Variants in HAGH observed in about 807,000 individuals in gnomAD.
HAGH encodes hydroxyacylglutathione hydrolase, mitochondrial.
HAGH carries 29 observed loss-of-function variants against 35.1 expected under a neutral mutation model. The ratio of observed to expected loss-of-function variants is 0.83; its 90% CI spans 0.62 to 1.13. HAGH has a LOEUF of 1.13. Ranked by LOEUF, HAGH falls within the 50% of genes most tolerant of loss-of-function variation. The pLI is 0.00. For missense variants in HAGH, 478 were observed against 419.6 expected, an observed-to-expected ratio of 1.14 and a Z score of -1.22; for synonymous variants, 225 against 176.1, an observed-to-expected ratio of 1.28 and a Z score of -2.20.
chr16:1,819,867 G>A (rs1363099911), intron 4 of HAGH, 30 bp downstream of exon 4: 6 of 1,388,716 alleles, frequency 4.3e-6, no homozygotes, highest in South Asian at 2.3e-5. Flanking sequence ...ACAGGGCCAC[G>A]CTGGAGCACC....
At position 1,809,249 on chromosome 16, in the gene HAGH, TAATCCCCA is replaced by T. The variant is rs757141804; in HGVS notation, c.*26_*33del. 2.1e-6 allele frequency: 3 copies of T among 1,447,932 alleles called. No individual in the cohort carries two copies. The highest frequency in any genetic ancestry group is 2.9e-6 in the Non-Finnish European group (3 of 1,041,918). 89.7% of individuals were successfully genotyped at this position (1,447,932 alleles called of 1,614,324 possible). On this transcript the variant is annotated 3_prime_UTR_variant, in exon 9 of 9. Coordinates refer to ENST00000397356, the MANE Select transcript of HAGH (RefSeq NM_005326.6). ...GGAAAGCCAGTTACCTAAAAGAGCC[TAATCCCCA>T]AATCCGCTGAAGGTGCAGGGCGGCC...
chr16:1,823,152 C>A (rs1898231424), intron 1 of HAGH, 115 bp from the exon 2 acceptor site: 3 of 883,028 alleles, frequency 3.4e-6, no homozygotes, highest in Non-Finnish European at 5.4e-6. Context: ...AATATTCTGG[C>A]CAGGTATGGT....
rs1567249687 is a variant in HAGH at position 1,809,349 on chromosome 16, C to CATG, written c.860_861insCAT (p.Thr287_Asp288insMet). ...CGGCCCGCATGGTGGTCACCGGGTC[C>CATG]GTCTCACCTGCGTGCTGCTGCACCG... On this transcript the variant is annotated inframe_insertion, in exon 9 of 9. Coordinates refer to ENST00000397356, the MANE Select transcript of HAGH (RefSeq NM_005326.6). 6.2e-7 allele frequency: 1 copy of CATG among 1,613,254 alleles called. No homozygotes were observed. Among genetic ancestry groups the CATG allele is most frequent in the Non-Finnish European group, 8.5e-7 (1 of 1,179,908 alleles).
intron 7 of HAGH, among the ~76,000 whole-genome samples, chr16:1,812,009 C>G (rs9938397): frequency 0.83 from 126,246 of 151,566 alleles, 52,674 homozygotes; most frequent in Middle Eastern, 0.89. Context: ...TAGGCAACAT[C>G]GTGTAAACCC....
At chr16:1,822,163 T>C in intron 3 of HAGH, 137 bp downstream of exon 3, 1 of 645,836 alleles carries the variant, frequency 1.5e-6, no homozygotes, top group East Asian at 2.8e-5. Context: ...GTCCCGGGTC[T>C]TTCTCAGAAG....
chr16:1,827,061 G>T (rs574585733), upstream of HAGH: 4 of 957,838 alleles, frequency 4.2e-6, no homozygotes, highest in Non-Finnish European at 6.0e-6. Context: ...TTTTGGCACC[G>T]CACAGTGGAT....
Position 1,809,322 on chromosome 16 carries a change from C to T in HAGH, c.888G>A (p.Val296=), listed in dbSNP as rs760244339. ...TCTTGAACTGGTCCTTCTCCCTGCG[C>T]ACGGCCCGCATGGTGGTCACCGGGT... ...ETDPVTTMRA[V]RREKDQFKMP... Residue 296 remains valine (V), a synonymous_variant, in exon 9 of 9, where the codon GTG becomes GTA. Coordinates refer to ENST00000397356, the MANE Select transcript of HAGH (RefSeq NM_005326.6). 5 of 1,613,746 alleles carry T rather than the reference C, an allele frequency of 3.1e-6. No individual in the cohort carries two copies. Among genetic ancestry groups the T allele is most frequent in the African/African-American group, 1.3e-5 (1 of 75,062 alleles).
intron 3 of HAGH, chr16:1,822,047 G>A (rs1164061587): frequency 2.0e-6 from 1 of 506,618 alleles, no homozygotes; most frequent in Non-Finnish European, 3.6e-6. Flanking sequence ...TGGCCCAGGA[G>A]AGAGCCGGGG....
At position 1,816,947 on chromosome 16, in the gene HAGH, T is replaced by C. The variant is rs1897922026; in HGVS notation, c.693A>G (p.Ala231=). The C allele has an allele frequency of 1.9e-6, 3 of 1,613,774 alleles. No homozygotes were observed. Among genetic ancestry groups the C allele is most frequent in the Non-Finnish European group, 2.5e-6 (3 of 1,179,828 alleles). The change falls in exon 7 of 9, where the codon GCA becomes GCG. Residue 231 remains alanine (A), a synonymous_variant. Coordinates refer to ENST00000397356, the MANE Select transcript of HAGH (RefSeq NM_005326.6). ...HEYTINNLKF[A]RHVEPGNAAI... is the part of the protein sequence containing the mutation. ...CGGCATTGCCGGGCTCCACGTGGCG[T>C]GCAAACTTGAGGTTGTTGATGGTGT...
At chr16:1,812,983 G>A (rs1382770863) in intron 7 of HAGH, among the ~76,000 whole-genome samples, 3 of 152,176 alleles carry the variant, frequency 2.0e-5, no homozygotes, top group Non-Finnish European at 4.4e-5. Context: ...AGGGGAGTTT[G>A]GCAGTTTCTT....
chr16:1,816,902 G>A lies in HAGH; in HGVS notation c.738C>T (p.Ala246=). 1 of 1,611,106 alleles carries A rather than the reference G, an allele frequency of 6.2e-7. No individual in the cohort carries two copies. The highest frequency in any genetic ancestry group is 8.5e-7 in the Non-Finnish European group (1 of 1,177,472). ...PGNAAIREKL[A]WAKEKYSIGE... Reference sequence around the variant, plus strand: ...TGACGGCCCCACTCACCTTGGCCCAGGCCAGCTTCTCCCGGATGGCGGCAT... The same window carrying A: ...TGACGGCCCCACTCACCTTGGCCCAAGCCAGCTTCTCCCGGATGGCGGCAT... The change falls in exon 7 of 9, where the codon GCC becomes GCT. Residue 246 remains alanine (A), a synonymous_variant. Transcript: ENST00000397356.
chr16:1,824,817 CAAT>C (rs1898322824), intron 1 of HAGH, among the ~76,000 whole-genome samples: 1 of 152,190 alleles, frequency 6.6e-6, no homozygotes, highest in Non-Finnish European at 1.5e-5. Flanking sequence ...TCCTCAGGAA[CAAT>C]AATACCAAGA....
chr16:1,819,031 C>CGAAGCTGCCCCGT lies in HAGH; in HGVS notation c.541+71_541+83dup, dbSNP rs561838325. 2.1e-4 allele frequency: 183 copies of CGAAGCTGCCCCGT among 853,992 alleles called. 1 individual carries two copies. The African/African-American group carries it at 2.6e-3, about 12-fold the overall frequency. 52.9% of individuals were successfully genotyped at this position (853,992 alleles called of 1,614,324 possible). A position where few individuals can be genotyped will look rare whatever the true frequency, so the allele number is the denominator to read the frequency against. On this transcript the variant is annotated intron_variant, in intron 5 of 8. Transcript: ENST00000397356. ...CACACCGGTGCAACAGAGAAGGCCA[C>CGAAGCTGCCCCGT]GAAGCTGCCCCGTGAGCCTGCCTGG...
At chr16:1,814,816 T>G (rs62038374) in intron 7 of HAGH, among the ~76,000 whole-genome samples, 19,590 of 151,924 alleles carry the variant, frequency 0.13, 1,677 homozygotes, top group South Asian at 0.2. Context: ...GAGAATGGCT[T>G]GAACCCGGGA....
chr16:1,816,270 C>A (rs12597803), intron 7 of HAGH, among the ~76,000 whole-genome samples: 1 of 150,280 alleles, frequency 6.7e-6, no homozygotes, highest in Non-Finnish European at 1.5e-5. Flanking sequence ...TTGGAATTTG[C>A]ATGAGTAAAT....
In HAGH at chr16:1,808,805, AGTAGGAGCACTGCCTGGAGGTC is replaced by A. The variant is rs1299460417; in HGVS notation, c.*456_*477del. On this transcript the variant is annotated 3_prime_UTR_variant, in exon 9 of 9. Transcript: ENST00000397356. ...AAGCAGAGGCAGGTGGGTGCTGCCGAGTAGGAGCACTGCCTGGAGGTCGCGCGATCTGGCCGCCTCCAGGAAG... is the reference window on the plus strand; with the variant it reads ...AAGCAGAGGCAGGTGGGTGCTGCCGAGCGCGATCTGGCCGCCTCCAGGAAG... 1.3e-5 allele frequency: 2 copies of A among 153,674 alleles called. No homozygotes were observed. The highest frequency in any genetic ancestry group is 4.8e-5 in the African/African-American group (2 of 41,494). The allele number at this position is 153,674 out of a possible 1,614,324, so 9.5% of individuals were successfully genotyped here.
chr16:1,810,524 G>A (rs975962655), intron 7 of HAGH: 2 of 152,752 alleles, frequency 1.3e-5, no homozygotes, highest in Admixed American at 6.5e-5. Context: ...ACCTCCTCTC[G>A]AGATGGAGAT....
At chr16:1,815,803 G>A (rs1567255322) in intron 7 of HAGH, among the ~76,000 whole-genome samples, 1 of 152,158 alleles carries the variant, frequency 6.6e-6, no homozygotes, top group Non-Finnish European at 1.5e-5. Context: ...CGGATTACCT[G>A]AAGTCAGGAG....
At chr16:1,814,489 G>C (rs1042121814) in intron 7 of HAGH, among the ~76,000 whole-genome samples, 6 of 145,030 alleles carry the variant, frequency 4.1e-5, no homozygotes, top group Admixed American at 2.0e-4. Flanking sequence ...AAAAAAAAAA[G>C]AAACAAACAA....
Sources: allele counts gnomAD v4.1 joint callset (sites outside exome capture counted in the v4.1 genomes callset), GRCh38; gene constraint gnomAD v4.1.1; transcripts MANE v1.5; gene names NCBI Gene and HGNC (gene_info 2026-07-23, HGNC 2026-07-21).